SGK2: variants seen among roughly 807,000 people sequenced by gnomAD.
SGK2 encodes serum/glucocorticoid regulated kinase 2.
In SGK2, 36 loss-of-function variants were observed where a neutral mutation model predicts 47.5. That is an observed-to-expected ratio of 0.76 (90% CI 0.58 to 1.00). The LOEUF (loss-of-function observed/expected upper bound fraction) is 1.00. Among genes scored for constraint, SGK2 ranks in the 50% least tolerant of loss-of-function variants. The pLI is 0.00. For missense variants in SGK2, 404 were observed against 467.4 expected, an observed-to-expected ratio of 0.86 and a Z score of 1.25; for synonymous variants, 157 against 181.9, an observed-to-expected ratio of 0.86 and a Z score of 1.10.
At chr20:43,571,199 CAT>C in intron 8 of SGK2, 139 bp downstream of exon 8, 2 of 1,370,756 alleles carry the variant, frequency 1.5e-6, no homozygotes, top group Non-Finnish European at 2.0e-6. Context: ...GGCATTTGAG[CAT>C]ATGTGTGTGT....
At chr20:43,571,342 T>A (rs1239322860) in intron 8 of SGK2, among the ~76,000 whole-genome samples, 2 of 152,086 alleles carry the variant, frequency 1.3e-5, no homozygotes, top group African/African-American at 4.8e-5. Flanking sequence ...CTGGGCTCCA[T>A]GGAAACAGAC....
At chr20:43,571,925 G>T in intron 8 of SGK2, 126 bp from the exon 9 acceptor site, 1 of 656,632 alleles carries the variant, frequency 1.5e-6, no homozygotes, top group South Asian at 1.8e-5. Flanking sequence ...GGAGCCTCCA[G>T]CCTGTGCCTG....
At chr20:43,581,703 ATT>A (rs1980809253) in intron 12 of SGK2, among the ~76,000 whole-genome samples, 1 of 151,976 alleles carries the variant, frequency 6.6e-6, no homozygotes. Flanking sequence ...TAATTTTTGC[ATT>A]TTCAGTAGAA....
chr20:43,583,220 G>A (rs930008695), intron 12 of SGK2: 68 of 1,289,604 alleles, frequency 5.3e-5, no homozygotes, highest in African/African-American at 1.1e-4. Flanking sequence ...GCTTCTTTTC[G>A]TTGGGATTTT....
intron 4 of SGK2, 79 bp downstream of exon 4, chr20:43,567,801 A>G (rs1979829432): frequency 9.6e-6 from 15 of 1,562,702 alleles, no homozygotes; most frequent in Admixed American, 6.7e-5. Flanking sequence ...ACTTGTATGT[A>G]TGAAGAGAGA....
At chr20:43,569,816 G>A (rs1434261492) in intron 6 of SGK2, among the ~76,000 whole-genome samples, 1 of 152,158 alleles carries the variant, frequency 6.6e-6, no homozygotes, top group East Asian at 1.9e-4. Context: ...AAAGGTCAAT[G>A]CTAAGAGGAG....
chr20:43,577,674 C>T lies in SGK2; in HGVS notation c.849+1295C>T, dbSNP rs367710158. Among the ~76,000 whole-genome samples the T allele has an allele frequency of 8.8e-5, 12 of 136,946 alleles. No homozygotes were observed. The South Asian group carries it at 1.7e-3, about 19-fold the overall frequency. The allele number at this position is 136,946 out of a possible 152,430, so 89.8% of individuals were successfully genotyped here. A position where few individuals can be genotyped will look rare whatever the true frequency, so the allele number is the denominator to read the frequency against. ...TTTTTTTTTTTTTGAGACTGAGTCT[C>T]GCTCTGTCACCCAGGCTGGAGTGCA... On this transcript the variant is annotated intron_variant, in intron 11 of 12. Coordinates refer to ENST00000373100, the MANE Select transcript of SGK2 (RefSeq NM_170693.3).
intron 8 of SGK2, among the ~76,000 whole-genome samples, chr20:43,571,549 C>A (rs144496605): frequency 2.6e-5 from 4 of 152,206 alleles, no homozygotes; most frequent in East Asian, 3.9e-4. Context: ...CAAAATGAGA[C>A]AAAGAGGATG....
chr20:43,571,173 G>A (rs1332806733), intron 8 of SGK2, 113 bp downstream of exon 8: 2 of 1,522,178 alleles, frequency 1.3e-6, no homozygotes, highest in African/African-American at 1.4e-5. Flanking sequence ...GTACATGTAT[G>A]CATATAGGTA....
At chr20:43,576,157 C>G in intron 10 of SGK2, 67 bp from the exon 11 acceptor site, 1 of 1,580,564 alleles carries the variant, frequency 6.3e-7, no homozygotes, top group Non-Finnish European at 8.6e-7. Context: ...CACCTTGCTC[C>G]AAGTCTCCCC....
In SGK2 at chr20:43,571,980, CTT is replaced by C. The variant is rs910975113; in HGVS notation, c.511-69_511-68del. 7.9e-6 allele frequency: 9 copies of C among 1,132,580 alleles called. No individual in the cohort carries two copies. The African/African-American group carries it at 1.1e-4, about 13-fold the overall frequency. 70.2% of individuals were successfully genotyped at this position (1,132,580 alleles called of 1,614,324 possible). A position where few individuals can be genotyped will look rare whatever the true frequency, so the allele number is the denominator to read the frequency against. On this transcript the variant is annotated intron_variant, in intron 8 of 12. Transcript: ENST00000373100. The stretch of plus-strand genomic sequence containing the variant: ...GCTGCCCTGGGGTGTGGCATCTGGG[CTT>C]TGGGGGTTAGGCCTGGCCATACCCT...
chr20:43,585,047 A>C lies in SGK2; in HGVS notation c.*31A>C. On this transcript the variant is annotated 3_prime_UTR_variant, in exon 13 of 13. Transcript: ENST00000373100. ...AAGGACCTGTGAAACTACTGAGGCC[A>C]GCTGGTATTAGTAAGGAATTACCTT... 6 of 1,594,800 alleles carry C rather than the reference A, an allele frequency of 3.8e-6. No individual in the cohort carries two copies. Among genetic ancestry groups the C allele is most frequent in the South Asian group, 1.1e-5 (1 of 89,684 alleles).
chr20:43,568,476 A>G (rs562578419), intron 5 of SGK2, among the ~76,000 whole-genome samples: 2 of 149,848 alleles, frequency 1.3e-5, no homozygotes, highest in Non-Finnish European at 3.0e-5. Context: ...TGCACAGCAC[A>G]TCATGGACTT....
At chr20:43,579,627 G>A (rs1282620548) in intron 11 of SGK2, among the ~76,000 whole-genome samples, 2 of 152,200 alleles carry the variant, frequency 1.3e-5, no homozygotes, top group Non-Finnish European at 2.9e-5. Context: ...GTGAGGGGAG[G>A]GGTCTCCAAG....
Position 43,584,901 on chromosome 20 carries a change from C to T in SGK2, c.989C>T (p.Ala330Val), listed in dbSNP as rs200184491. The T allele has an allele frequency of 6.2e-7, 1 of 1,614,156 alleles. No individual in the cohort carries two copies. Among genetic ancestry groups the T allele is most frequent in the African/African-American group, 1.3e-5 (1 of 75,058 alleles). The change falls in exon 13 of 13, where the codon GCT (alanine) becomes GTT (valine). Residue 330 changes from alanine (A) to valine (V), a missense_variant. By Grantham distance (64) the Ala-to-Val change is moderately conservative. Coordinates refer to ENST00000373100, the MANE Select transcript of SGK2 (RefSeq NM_170693.3). ...TTTGACCCAGAGTTCACCCAGGAAG[C>T]TGTGTCCAAGTCCATTGGCTGTACC... ...KHFDPEFTQE[A>V]VSKSIGCTPD...
chr20:43,563,021 G>A (rs6017117), intron 1 of SGK2, among the ~76,000 whole-genome samples: 99,534 of 151,450 alleles, frequency 0.66, 33,066 homozygotes, highest in South Asian at 0.75. Context: ...CTGTAGTCCC[G>A]GGTACTCAGG....
intron 10 of SGK2, 100 bp downstream of exon 10, chr20:43,575,104 T>C (rs1349548761): frequency 1.1e-5 from 8 of 734,204 alleles, no homozygotes; most frequent in African/African-American, 7.0e-5. Context: ...GAGCAAGCCA[T>C]CTCTTCATTC....
At chr20:43,577,993 C>T (rs897447359) in intron 11 of SGK2, among the ~76,000 whole-genome samples, 3 of 152,158 alleles carry the variant, frequency 2.0e-5, no homozygotes, top group African/African-American at 7.2e-5. Flanking sequence ...TGCCAGACCC[C>T]AGGCTGGGCA....
At chr20:43,561,389 T>A (rs1404610063) in intron 1 of SGK2, among the ~76,000 whole-genome samples, 1 of 82,930 alleles carries the variant, frequency 1.2e-5, no homozygotes, top group Non-Finnish European at 2.6e-5. Flanking sequence ...GCTTTGGATT[T>A]TTTTTTTTTT....
Sources: gnomAD v4.1 joint callset for allele counts (sites outside exome capture counted in the v4.1 genomes callset) on GRCh38, gnomAD v4.1.1 for gene constraint, MANE v1.5 for transcripts, NCBI Gene and HGNC (gene_info 2026-07-23, HGNC 2026-07-21) for gene names.